The following CDH13 variants were observed in gnomAD, a reference collection of about 807,000 sequenced individuals.
CDH13 encodes the protein cadherin-13.
Under a neutral mutation model 63.8 loss-of-function variants are expected in CDH13, and 24 were observed. That is an observed-to-expected ratio of 0.38 (90% CI 0.27 to 0.53). CDH13 has a LOEUF of 0.53. Among genes scored for constraint, CDH13 ranks in the 20% least tolerant of loss-of-function variants. CDH13 has a pLI of 0.85. For synonymous variants in CDH13, 503 were observed against 355.3 expected (o/e 1.42, Z -4.67); for missense variants, 1,049 against 903.1 (o/e 1.16, Z -2.07).
chr16:83,086,940 G>C (rs1027954156), intron 3 of CDH13, among the ~76,000 whole-genome samples: 1 of 152,114 alleles, frequency 6.6e-6, no homozygotes, highest in African/African-American at 2.4e-5. Flanking sequence ...ACATAGAAGA[G>C]GTTTTATTAT....
intron 1 of CDH13, among the ~76,000 whole-genome samples, chr16:82,651,361 A>G (rs1397998124): frequency 3.3e-5 from 5 of 152,198 alleles, no homozygotes; most frequent in African/African-American, 9.7e-5. Context: ...TACCATCTTC[A>G]TTGATCTTCA....
At chr16:83,614,672 T>G (rs570541181) in intron 8 of CDH13, among the ~76,000 whole-genome samples, 1 of 152,240 alleles carries the variant, frequency 6.6e-6, no homozygotes, top group South Asian at 2.1e-4. Context: ...GATTTGAGGG[T>G]TGGTCAGGAA....
intron 2 of CDH13, among the ~76,000 whole-genome samples, chr16:83,001,621 A>G (rs1912940797): frequency 2.6e-5 from 4 of 152,256 alleles, no homozygotes; most frequent in Admixed American, 2.0e-4. Flanking sequence ...TCTGGCAGCC[A>G]TGTTAATGGA....
At chr16:82,713,063 G>A (rs1426780220) in intron 1 of CDH13, among the ~76,000 whole-genome samples, 1 of 151,932 alleles carries the variant, frequency 6.6e-6, no homozygotes, top group Non-Finnish European at 1.5e-5. Flanking sequence ...TGTGGTGTGT[G>A]TGTGTGTGTG....
intron 6 of CDH13, among the ~76,000 whole-genome samples, chr16:83,449,646 A>T (rs1431117068): frequency 2.0e-5 from 3 of 152,180 alleles, no homozygotes; most frequent in Non-Finnish European, 2.9e-5. Flanking sequence ...ACCTCCCCTC[A>T]TAACACCATG....
chr16:83,246,148 A>G (rs553705427), intron 5 of CDH13, among the ~76,000 whole-genome samples: 1 of 152,306 alleles, frequency 6.6e-6, no homozygotes, highest in African/African-American at 2.4e-5. Flanking sequence ...ATATATTTGG[A>G]CTAGAATTTC....
intron 6 of CDH13, among the ~76,000 whole-genome samples, chr16:83,441,618 G>C (rs1158686698): frequency 6.6e-6 from 1 of 152,160 alleles, no homozygotes; most frequent in African/African-American, 2.4e-5. Flanking sequence ...TGCAAGCTGT[G>C]AGAAGCCCAG....
chr16:83,536,138 G>A (rs758126141), intron 7 of CDH13, among the ~76,000 whole-genome samples: 5 of 152,256 alleles, frequency 3.3e-5, no homozygotes, highest in East Asian at 3.9e-4. Flanking sequence ...AATCCTTTCC[G>A]TAATATCCAC....
intron 1 of CDH13, among the ~76,000 whole-genome samples, chr16:82,655,606 A>C (rs1321820886): frequency 6.6e-6 from 1 of 152,146 alleles, no homozygotes; most frequent in Non-Finnish European, 1.5e-5. Context: ...GGGGGAGGGC[A>C]AGGCAGTGAC....
intron 8 of CDH13, among the ~76,000 whole-genome samples, chr16:83,612,171 C>G (rs1318277353): frequency 6.6e-6 from 1 of 151,990 alleles, no homozygotes; most frequent in Non-Finnish European, 1.5e-5. Flanking sequence ...TTTTTAAAAA[C>G]TTAATTTGAG....
chr16:83,226,566 T>C (rs541277857), intron 5 of CDH13, among the ~76,000 whole-genome samples: 1 of 151,808 alleles, frequency 6.6e-6, no homozygotes, highest in Non-Finnish European at 1.5e-5. Context: ...ATGGCTACCC[T>C]TTTTTTTCTG....
intron 1 of CDH13, among the ~76,000 whole-genome samples, chr16:82,647,376 G>A (rs564009967): frequency 6.6e-6 from 1 of 152,306 alleles, no homozygotes; most frequent in South Asian, 2.1e-4. Flanking sequence ...CCTCAAAAGC[G>A]GATGCTGTGA....
intron 2 of CDH13, among the ~76,000 whole-genome samples, chr16:83,031,270 G>A (rs565986133): frequency 5.5e-5 from 8 of 146,080 alleles, no homozygotes; most frequent in East Asian, 2.1e-4. Flanking sequence ...ATATACATGC[G>A]CATGTATACA....
At chr16:83,682,397 C>G (rs1266806682) in intron 10 of CDH13, among the ~76,000 whole-genome samples, 2 of 152,120 alleles carry the variant, frequency 1.3e-5, no homozygotes, top group East Asian at 1.9e-4. Flanking sequence ...AGTCGCATGT[C>G]TCTTTAGCAT....
chr16:82,747,090 C>T (rs1051477345), intron 1 of CDH13, among the ~76,000 whole-genome samples: 11 of 152,112 alleles, frequency 7.2e-5, no homozygotes, highest in Non-Finnish European at 1.2e-4. Context: ...TATGCTTTCT[C>T]AATACAATGA....
At chr16:83,095,900 G>C (rs780089742) in intron 3 of CDH13, among the ~76,000 whole-genome samples, 1 of 152,306 alleles carries the variant, frequency 6.6e-6, no homozygotes, top group Admixed American at 6.5e-5. Flanking sequence ...ATATTCGTAA[G>C]TACAGAGAAA....
intron 7 of CDH13, among the ~76,000 whole-genome samples, chr16:83,535,247 G>A (rs920596350): frequency 6.6e-6 from 1 of 152,248 alleles, no homozygotes; most frequent in African/African-American, 2.4e-5. Context: ...AGAGATGCAC[G>A]GCTGGAAAGA....
chr16:83,765,450 C>T (rs1379128605), intron 11 of CDH13, among the ~76,000 whole-genome samples: 1 of 152,058 alleles, frequency 6.6e-6, no homozygotes, highest in Non-Finnish European at 1.5e-5. Flanking sequence ...AGTTCTACAT[C>T]AAGTATAGTA....
In CDH13 at chr16:83,671,472, C is replaced by G. The variant is rs148636132; in HGVS notation, c.1284+500C>G. 3.4e-3 allele frequency among the ~76,000 whole-genome samples: 512 copies of G among 152,326 alleles called. 7 individuals are homozygous for G. Among genetic ancestry groups the G allele is most frequent in the African/African-American group, 0.012 (493 of 41,588 alleles). On this transcript the variant is annotated intron_variant, in intron 9 of 13. Transcript: ENST00000567109. ...CCATGTTGCCCAGGCTTGTCTCAAA[C>G]TCCTGGCCTCAAGTGATCCACCTGC...
Sources: gnomAD v4.1 joint callset for allele counts (sites outside exome capture counted in the v4.1 genomes callset) on GRCh38, gnomAD v4.1.1 for gene constraint, MANE v1.5 for transcripts, NCBI Gene and HGNC (gene_info 2026-07-23, HGNC 2026-07-21) for gene names.